STK33: variants seen among roughly 807,000 people sequenced by gnomAD.
The protein encoded by STK33 is serine/threonine-protein kinase 33.
A neutral mutation model predicts 58.0 loss-of-function variants in STK33; 52 were observed. The ratio of observed to expected loss-of-function variants is 0.90; its 90% CI spans 0.72 to 1.13. STK33 has a LOEUF of 1.13. Among genes scored for constraint, STK33 ranks in the 50% most tolerant of loss-of-function variants. The pLI, the probability that STK33 is intolerant of heterozygous loss-of-function variation, is 0.00. For missense variants in STK33, 630 were observed against 604.2 expected, an observed-to-expected ratio of 1.04 and a Z score of -0.45; for synonymous variants, 215 against 200.1, an observed-to-expected ratio of 1.07 and a Z score of -0.63.
chr11:8,399,451 G>A (rs1010862136), intron 15 of STK33, among the ~76,000 whole-genome samples: 1 of 152,120 alleles, frequency 6.6e-6, no homozygotes, highest in Non-Finnish European at 1.5e-5. Flanking sequence ...CAGAATCTCT[G>A]GGACGCATTC....
In STK33 at chr11:8,399,325, G is replaced by A. The variant is rs566953247; in HGVS notation, c.1345-6615C>T. On this transcript the variant is annotated intron_variant, in intron 15 of 15. Coordinates refer to ENST00000687296, the MANE Select transcript of STK33 (RefSeq NM_001352389.2). ...AGGATTAAGAAACTCACTCAAAACC[G>A]CTCAACTACATGGAAACTGAACAAC... 5.3e-5 allele frequency among the ~76,000 whole-genome samples: 8 copies of A among 152,164 alleles called. No homozygotes were observed. In the South Asian group the frequency reaches 6.2e-4, roughly 12 times the overall value.
chr11:8,439,875 A>G (rs1944520615), intron 12 of STK33, among the ~76,000 whole-genome samples: 3 of 140,586 alleles, frequency 2.1e-5, no homozygotes, highest in African/African-American at 7.8e-5. Context: ...ATAATTATAT[A>G]TATATATATA....
At chr11:8,406,884 G>C (rs960411303) in intron 15 of STK33, among the ~76,000 whole-genome samples, 1 of 151,934 alleles carries the variant, frequency 6.6e-6, no homozygotes, top group Admixed American at 6.6e-5. Context: ...AAGAGAATTA[G>C]TGAGAGAGAA....
intron 1 of STK33, among the ~76,000 whole-genome samples, chr11:8,525,480 C>T (rs1953945135): frequency 6.6e-6 from 1 of 152,144 alleles, no homozygotes. Context: ...ACAAAGATGA[C>T]ATTGCAAAGC....
At chr11:8,427,097 G>A (rs1942864833) in intron 14 of STK33, among the ~76,000 whole-genome samples, 2 of 152,094 alleles carry the variant, frequency 1.3e-5, no homozygotes, top group Admixed American at 1.3e-4. Context: ...CATGGCTCTT[G>A]TGGCATCTCC....
At chr11:8,439,350 G>A (rs10840047) in intron 12 of STK33, among the ~76,000 whole-genome samples, 75,546 of 151,824 alleles carry the variant, frequency 0.5, 18,830 homozygotes, top group South Asian at 0.64. Context: ...GCTTTATGAG[G>A]ATACATAAAA....
intron 1 of STK33, among the ~76,000 whole-genome samples, chr11:8,484,583 A>G (rs181449171): frequency 6.6e-6 from 1 of 152,316 alleles, no homozygotes; most frequent in Non-Finnish European, 1.5e-5. Context: ...CAGATACCAC[A>G]TTTATAAGAA....
At chr11:8,442,061 A>T (rs1380895757) in intron 11 of STK33, among the ~76,000 whole-genome samples, 1 of 150,874 alleles carries the variant, frequency 6.6e-6, no homozygotes, top group East Asian at 2.0e-4. Context: ...ACACACACAC[A>T]CACACACTTT....
chr11:8,514,109 G>A (rs1461146091), intron 1 of STK33, among the ~76,000 whole-genome samples: 1 of 152,098 alleles, frequency 6.6e-6, no homozygotes, highest in East Asian at 1.9e-4. Context: ...TTAACATAAT[G>A]ATTTCAGGTT....
chr11:8,559,580 C>T (rs1193726891), intron 1 of STK33, among the ~76,000 whole-genome samples: 1 of 152,150 alleles, frequency 6.6e-6, no homozygotes, highest in Non-Finnish European at 1.5e-5. Flanking sequence ...GTTGAACCTA[C>T]TTGATTTGTT....
the STK33 span, among the ~76,000 whole-genome samples, chr11:8,338,294 C>G: frequency 1.3e-5 from 2 of 152,230 alleles, no homozygotes; most frequent in Non-Finnish European, 2.9e-5. Flanking sequence ...ATCATCTCTG[C>G]TCCAGATCAC....
chr11:8,593,978 T>G (rs2033031726), intron 1 of STK33, 105 bp downstream of exon 1: 1 of 151,684 alleles, frequency 6.6e-6, no homozygotes, highest in African/African-American at 2.4e-5. Context: ...CAGAGGCCCG[T>G]TTTTCCACCG....
intron 15 of STK33, among the ~76,000 whole-genome samples, chr11:8,409,678 T>A (rs1939875554): frequency 6.6e-6 from 1 of 152,240 alleles, no homozygotes; most frequent in African/African-American, 2.4e-5. Context: ...TGTTTACTAG[T>A]TTATTCCCAC....
the STK33 span, among the ~76,000 whole-genome samples, chr11:8,358,868 GA>G: frequency 6.6e-6 from 1 of 152,120 alleles, no homozygotes; most frequent in Non-Finnish European, 1.5e-5. Context: ...AACAGAAAAA[GA>G]ATAAATTTAC....
intron 1 of STK33, among the ~76,000 whole-genome samples, chr11:8,582,990 A>C (rs1415755810): frequency 6.6e-6 from 1 of 152,208 alleles, no homozygotes; most frequent in Non-Finnish European, 1.5e-5. Context: ...GACATTGTTT[A>C]AAGTTTTCCA....
chr11:8,348,516 C>T, the STK33 span, among the ~76,000 whole-genome samples: 1 of 152,166 alleles, frequency 6.6e-6, no homozygotes, highest in African/African-American at 2.4e-5. Flanking sequence ...TTTATTACCT[C>T]CCATCAGATA....
At chr11:8,552,863 A>C (rs990081434) in intron 1 of STK33, among the ~76,000 whole-genome samples, 1 of 152,012 alleles carries the variant, frequency 6.6e-6, no homozygotes, top group Non-Finnish European at 1.5e-5. Context: ...AACAAAGAGT[A>C]TAATATATGC....
At chr11:8,446,334 G>T (rs1192011444) in intron 11 of STK33, among the ~76,000 whole-genome samples, 1 of 152,034 alleles carries the variant, frequency 6.6e-6, no homozygotes, top group Non-Finnish European at 1.5e-5. Flanking sequence ...CCAGCTCCTG[G>T]ATTCATTGAT....
chr11:8,514,104 A>G (rs184681322), intron 1 of STK33, among the ~76,000 whole-genome samples: 1 of 152,280 alleles, frequency 6.6e-6, no homozygotes, highest in East Asian at 1.9e-4. Context: ...TTCACTTAAC[A>G]TAATGATTTC....
Sources: gnomAD v4.1 joint callset for allele counts (sites outside exome capture counted in the v4.1 genomes callset) on GRCh38, gnomAD v4.1.1 for gene constraint, MANE v1.5 for transcripts, NCBI Gene and HGNC (gene_info 2026-07-23, HGNC 2026-07-21) for gene names.